The following ENOX1 variants were observed in gnomAD, a reference collection of about 807,000 sequenced individuals.
ENOX1 encodes the protein candidate growth-related and time keeping constitutive hydroquinone (NADH) oxidase.
Under a neutral mutation model 82.5 loss-of-function variants are expected in ENOX1, and 42 were observed. That is an observed-to-expected ratio of 0.51 (90% confidence interval 0.40 to 0.66). The LOEUF (loss-of-function observed/expected upper bound fraction) is 0.66, where lower values mean the gene tolerates loss of function less well. ENOX1 is among the 30% of genes least tolerant of loss of function. The pLI, the probability that ENOX1 is intolerant of heterozygous loss-of-function variation, is 0.00. For missense variants in ENOX1, 608 were observed against 811.6 expected, an observed-to-expected ratio of 0.75 and a Z score of 3.05; for synonymous variants, 271 against 282.2, an observed-to-expected ratio of 0.96 and a Z score of 0.40.
intron 2 of ENOX1, among the ~76,000 whole-genome samples, chr13:43,573,484 C>T (rs1008448279): frequency 9.2e-5 from 14 of 152,184 alleles, no homozygotes; most frequent in Non-Finnish European, 7.3e-5. Context: ...CACTACCATA[C>T]GTGCATTCTT....
At chr13:43,254,432 G>A (rs927336111) in intron 14 of ENOX1, among the ~76,000 whole-genome samples, 4 of 152,034 alleles carry the variant, frequency 2.6e-5, no homozygotes, top group African/African-American at 4.8e-5. Context: ...ATTATGGGCT[G>A]TTTATTTCAT....
chr13:43,717,876 C>T (rs1393408681), intron 1 of ENOX1, among the ~76,000 whole-genome samples: 1 of 151,984 alleles, frequency 6.6e-6, no homozygotes, highest in Admixed American at 6.6e-5. Flanking sequence ...ATTAAAAAGT[C>T]AAAAAATATG....
At chr13:43,429,371 C>T (rs2055525880) in intron 3 of ENOX1, among the ~76,000 whole-genome samples, 1 of 152,184 alleles carries the variant, frequency 6.6e-6, no homozygotes, top group Admixed American at 6.5e-5. Flanking sequence ...GCTTCATGAG[C>T]ACAACTTCCC....
intron 5 of ENOX1, among the ~76,000 whole-genome samples, chr13:43,405,982 C>T (rs1179955360): frequency 6.6e-6 from 1 of 152,220 alleles, no homozygotes; most frequent in Non-Finnish European, 1.5e-5. Context: ...CACTCTAAAG[C>T]ATGACAGTAA....
chr13:43,397,679 T>C (rs2053237227), intron 5 of ENOX1, among the ~76,000 whole-genome samples: 1 of 152,234 alleles, frequency 6.6e-6, no homozygotes, highest in Non-Finnish European at 1.5e-5. Flanking sequence ...GTCAAAATTA[T>C]ATCTTCTATG....
chr13:43,569,292 A>G (rs2080065195), intron 2 of ENOX1, among the ~76,000 whole-genome samples: 2 of 152,276 alleles, frequency 1.3e-5, no homozygotes, highest in South Asian at 2.1e-4. Flanking sequence ...TAAGCATATA[A>G]AGATCACCTA....
intron 13 of ENOX1, among the ~76,000 whole-genome samples, chr13:43,267,112 TC>T (rs1455881855): frequency 6.6e-6 from 1 of 152,100 alleles, no homozygotes; most frequent in Non-Finnish European, 1.5e-5. Flanking sequence ...AGGAAACCCC[TC>T]CCCGCTGCAG....
chr13:43,248,823 C>T (rs976960849), intron 14 of ENOX1, among the ~76,000 whole-genome samples: 1 of 151,822 alleles, frequency 6.6e-6, no homozygotes, highest in Admixed American at 6.6e-5. Context: ...TTATATATAA[C>T]CCCCTCCCAC....
Position 43,469,150 on chromosome 13 carries a change from T to A in ENOX1, c.-75+14859A>T, listed in dbSNP as rs550978950. Among the ~76,000 whole-genome samples the A allele has an allele frequency of 4.6e-5, 7 of 152,284 alleles. No individual in the cohort carries two copies. The East Asian group carries it at 1.3e-3, about 29-fold the overall frequency. On this transcript the variant is annotated intron_variant, in intron 3 of 16. Coordinates refer to ENST00000690772, the MANE Select transcript of ENOX1 (RefSeq NM_001347969.2). ...AGCTGGTTAAAAAGTTTCCTTATAT[T>A]CCTAGTTTGTTGAGCATATTTATCA...
chr13:43,339,577 C>T (rs942981172), intron 9 of ENOX1, among the ~76,000 whole-genome samples: 8 of 152,346 alleles, frequency 5.3e-5, no homozygotes, highest in Admixed American at 4.6e-4. Context: ...TGCCAATACA[C>T]CTGCTTCCAA....
intron 3 of ENOX1, among the ~76,000 whole-genome samples, chr13:43,423,700 GGTCTTGGAAA>G (rs1487345249): frequency 6.6e-6 from 1 of 152,106 alleles, no homozygotes; most frequent in Non-Finnish European, 1.5e-5. Flanking sequence ...AGTGATATGT[GGTCTTGGAAA>G]GTGACTCTTC....
intron 1 of ENOX1, among the ~76,000 whole-genome samples, chr13:43,680,314 A>G (rs1212022610): frequency 1.3e-5 from 2 of 152,194 alleles, no homozygotes; most frequent in Admixed American, 6.5e-5. Flanking sequence ...TTCAACAAGT[A>G]CCTTGGGAAG....
chr13:43,599,780 G>T (rs764713907), intron 2 of ENOX1, among the ~76,000 whole-genome samples: 2 of 150,822 alleles, frequency 1.3e-5, no homozygotes, highest in African/African-American at 2.4e-5. Flanking sequence ...ACTTCTGCTT[G>T]AGATGAGAAT....
chr13:43,371,407 G>T (rs1340242706), intron 5 of ENOX1, among the ~76,000 whole-genome samples: 2 of 152,090 alleles, frequency 1.3e-5, no homozygotes, highest in Admixed American at 6.5e-5. Context: ...TTGCTCTATA[G>T]AACTTCCTCT....
chr13:43,498,820 T>A (rs1303222984), intron 2 of ENOX1, among the ~76,000 whole-genome samples: 1 of 152,112 alleles, frequency 6.6e-6, no homozygotes, highest in African/African-American at 2.4e-5. Context: ...TTAACATGTG[T>A]CTACAATTCT....
chr13:43,715,577 C>T (rs1408462353), intron 1 of ENOX1, among the ~76,000 whole-genome samples: 3 of 152,152 alleles, frequency 2.0e-5, no homozygotes, highest in Admixed American at 6.5e-5. Context: ...AACTTGGTTC[C>T]ATTCTCCCCG....
intron 2 of ENOX1, among the ~76,000 whole-genome samples, chr13:43,507,217 C>G (rs1465787405): frequency 6.6e-6 from 1 of 151,450 alleles, no homozygotes; most frequent in Non-Finnish European, 1.5e-5. Flanking sequence ...ACCAGAAGAC[C>G]CAACTACTAA....
At chr13:43,698,246 C>T (rs896952689) in intron 1 of ENOX1, among the ~76,000 whole-genome samples, 1 of 152,306 alleles carries the variant, frequency 6.6e-6, no homozygotes, top group Non-Finnish European at 1.5e-5. Flanking sequence ...GTCATCCTGC[C>T]TTCAAAAGCC....
intron 2 of ENOX1, among the ~76,000 whole-genome samples, chr13:43,601,207 C>A (rs183068025): frequency 1.4e-3 from 209 of 151,958 alleles, no homozygotes; most frequent in Non-Finnish European, 2.1e-3. Context: ...AGGGTTATAT[C>A]CAGGGGAGAG....
Sources: allele counts gnomAD v4.1 joint callset (sites outside exome capture counted in the v4.1 genomes callset), GRCh38; gene constraint gnomAD v4.1.1; transcripts MANE v1.5; gene names NCBI Gene and HGNC (gene_info 2026-07-23, HGNC 2026-07-21).